Variants in TJP1 observed in about 807,000 individuals in gnomAD.
The protein encoded by TJP1 is tight junction protein ZO-1.
A neutral mutation model predicts 194.2 loss-of-function variants in TJP1; 43 were observed. That is an observed-to-expected ratio of 0.22 (90% CI 0.17 to 0.29). TJP1 has a LOEUF of 0.29. TJP1 is among the 10% of genes least tolerant of loss of function. TJP1 has a pLI of 1.00. For synonymous variants in TJP1, 801 were observed against 779.0 expected (o/e 1.03, Z -0.47); for missense variants, 1,971 against 2,185.7 (o/e 0.90, Z 1.96).
chr15:29,754,957 TG>T (rs1314306490), intron 8 of TJP1, among the ~76,000 whole-genome samples: 1 of 152,200 alleles, frequency 6.6e-6, no homozygotes, highest in Non-Finnish European at 1.5e-5. Context: ...AAAACAATTA[TG>T]GAAGGTAGAG....
At chr15:29,878,834 G>A (rs1202929492) in intron 2 of TJP1, among the ~76,000 whole-genome samples, 2 of 152,010 alleles carry the variant, frequency 1.3e-5, no homozygotes, top group Admixed American at 1.3e-4. Context: ...ATTAATTAAC[G>A]CCCATGCTGG....
At chr15:29,753,352 CG>C (rs1431012001) in intron 8 of TJP1, among the ~76,000 whole-genome samples, 4 of 151,656 alleles carry the variant, frequency 2.6e-5, no homozygotes, top group Admixed American at 2.0e-4. Context: ...GGCGTGGTGG[CG>C]GGTGCCTGTA....
chr15:29,968,775 C>A lies in TJP1; in HGVS notation c.65G>T (p.Arg22Leu), dbSNP rs1439465484. The A allele has an allele frequency of 2.5e-6, 3 of 1,220,504 alleles. No individual in the cohort carries two copies. The South Asian group carries it at 4.0e-5, about 16-fold the overall frequency. The allele number at this position is 1,220,504 out of a possible 1,614,324, so 75.6% of individuals were successfully genotyped here. The change falls in exon 1 of 29, where the codon CGG (arginine) becomes CTG (leucine). Residue 22 changes from arginine to leucine, a missense_variant. By Grantham distance (102) the Arg-to-Leu change is moderately radical (BLOSUM62 -2). Coordinates refer to the TJP1 transcript ENST00000356107. ...CTGGTACTTCATCTTGTCCCCGCTC[C>A]GCTCGCGGGCAGGGCCCCGCCGCCT...
At chr15:29,833,866 TA>T (rs1278356680) in intron 2 of TJP1, among the ~76,000 whole-genome samples, 1 of 17,536 alleles carries the variant, frequency 5.7e-5, no homozygotes, top group African/African-American at 2.2e-4. Context: ...AGTATATATA[TA>T]TATATATATA....
intron 1 of TJP1, among the ~76,000 whole-genome samples, chr15:29,821,039 T>C (rs977747662): frequency 3.9e-5 from 6 of 152,218 alleles, no homozygotes; most frequent in African/African-American, 1.2e-4. Context: ...TTTGAAGTAA[T>C]GAATTGATAT....
intron 2 of TJP1, among the ~76,000 whole-genome samples, chr15:29,919,552 G>C (rs962991744): frequency 6.6e-6 from 1 of 152,204 alleles, no homozygotes; most frequent in Admixed American, 6.5e-5. Context: ...TGTCCTATGA[G>C]GAAAATAAGC....
At chr15:29,949,631 TCCA>T (rs2055534839) in intron 2 of TJP1, among the ~76,000 whole-genome samples, 15 of 20,654 alleles carry the variant, frequency 7.3e-4, no homozygotes, top group African/African-American at 2.6e-3. Flanking sequence ...CACCTCCACC[TCCA>T]CCACCTCCAC....
Position 29,701,489 on chromosome 15 carries a change from A to G in TJP1, c.*106T>C. 1.1e-6 allele frequency: 1 copy of G among 884,540 alleles called. No individual in the cohort carries two copies. The highest frequency in any genetic ancestry group is 1.8e-6 in the Non-Finnish European group (1 of 570,622). The allele number at this position is 884,540 out of a possible 1,614,324, so 54.8% of individuals were successfully genotyped here. ...GTTCAAACAAATGCCTCATACTAAC[A>G]AACTGTAGTATCAACTCTAAAAAAG... is the stretch of plus-strand genomic sequence containing the variant. On this transcript the variant is annotated 3_prime_UTR_variant, in exon 28 of 28. Transcript: ENST00000614355.
At chr15:29,810,007 C>T (rs1289899744) in intron 1 of TJP1, among the ~76,000 whole-genome samples, 1 of 152,190 alleles carries the variant, frequency 6.6e-6, no homozygotes, top group Non-Finnish European at 1.5e-5. Flanking sequence ...TGAAATGCTT[C>T]AAACCACGTG....
At position 29,733,227 on chromosome 15, in the gene TJP1, G is replaced by A; in HGVS notation, c.1603C>T (p.Leu535Phe). ...FEYEKESPYG[L>F]SFNKGEVFRV... ...AACACCTCTCCTTTGTTAAAACTAA[G>A]TCCATAGGGAGATTCCTTTTCATAT... Residue 535 changes from leucine to phenylalanine, a missense_variant, in exon 13 of 28, where the codon CTT (leucine) becomes TTT (phenylalanine). Leu to Phe is a conservative substitution (Grantham distance 22). This residue lies in a region of TJP1 where 402 missense variants were observed against 484.2 expected (regional missense o/e 0.83). Transcript: ENST00000614355. 6.2e-7 allele frequency: 1 copy of A among 1,614,006 alleles called. No individual in the cohort carries two copies. The highest frequency in any genetic ancestry group is 8.5e-7 in the Non-Finnish European group (1 of 1,179,916).
At chr15:29,968,564 C>G (rs965402979) in intron 1 of TJP1, 2 of 828,908 alleles carry the variant, frequency 2.4e-6, no homozygotes, top group Middle Eastern at 6.1e-4. Context: ...GCGGCCTCGC[C>G]CCCCGCCCGA....
chr15:29,765,858 C>T (rs1014622475), intron 5 of TJP1, among the ~76,000 whole-genome samples: 1 of 152,174 alleles, frequency 6.6e-6, no homozygotes, highest in Non-Finnish European at 1.5e-5. Context: ...TGCCACTGCA[C>T]TCCAGCCTGG....
chr15:29,723,427 C>A (rs1480221603), intron 18 of TJP1, among the ~76,000 whole-genome samples: 1 of 152,180 alleles, frequency 6.6e-6, no homozygotes, highest in Non-Finnish European at 1.5e-5. Context: ...CCATGTAAGA[C>A]ATGCTTTTTC....
chr15:29,861,865 T>G (rs2052094209), intron 2 of TJP1, among the ~76,000 whole-genome samples: 3 of 152,200 alleles, frequency 2.0e-5, no homozygotes, highest in Admixed American at 2.0e-4. Flanking sequence ...TGTACCTATT[T>G]TTTTTCTTTT....
exon 1 of TJP1, chr15:29,968,834 C>T (rs1472753087): frequency 6.2e-6 from 6 of 971,968 alleles, no homozygotes; most frequent in South Asian, 3.1e-5. Flanking sequence ...CCTCCAGGCG[C>T]CGCATAGATC....
intron 9 of TJP1, among the ~76,000 whole-genome samples, chr15:29,741,719 C>T (rs1416445548): frequency 6.6e-6 from 1 of 152,140 alleles, no homozygotes; most frequent in Non-Finnish European, 1.5e-5. Context: ...AGAATTCCTA[C>T]ACTTCCCAGT....
At chr15:29,863,885 T>C (rs1364793569) in intron 2 of TJP1, among the ~76,000 whole-genome samples, 2 of 152,074 alleles carry the variant, frequency 1.3e-5, no homozygotes, top group Non-Finnish European at 2.9e-5. Flanking sequence ...TAACAAAAAG[T>C]ACATAGTCTT....
chr15:29,715,188 C>CCTG lies in TJP1; in HGVS notation c.4202+1420_4202+1422dup, dbSNP rs534291533. On this transcript the variant is annotated intron_variant, in intron 23 of 27. Transcript: ENST00000614355. ...GTTGAGGTATGAACCCAGCTGTGCA[C>CCTG]CTGTGTGGGTTTATATTGTGCTAGC... Among the ~76,000 whole-genome samples, 558 of 151,932 alleles carry CCTG rather than the reference C, an allele frequency of 3.7e-3. 4 individuals carry two copies. The highest frequency in any genetic ancestry group is 6.0e-3 in the Non-Finnish European group (408 of 67,968).
intron 23 of TJP1, among the ~76,000 whole-genome samples, chr15:29,714,621 AG>A (rs2042445335): frequency 6.9e-6 from 1 of 145,502 alleles, no homozygotes; most frequent in Admixed American, 7.0e-5. Context: ...GCTCACTGCA[AG>A]CTCTGTCTCC....
Sources: gnomAD v4.1 joint callset for allele counts (sites outside exome capture counted in the v4.1 genomes callset) on GRCh38, gnomAD v4.1.1 for gene constraint, gnomAD v4.1.1 regional missense constraint, MANE v1.5 for transcripts, NCBI Gene and HGNC (gene_info 2026-07-23, HGNC 2026-07-21) for gene names.